Variants in MEGF11 observed in about 807,000 individuals in gnomAD.
MEGF11 encodes the protein multiple epidermal growth factor-like domains protein 11.
In MEGF11, 126 loss-of-function variants were observed where a neutral mutation model predicts 146.6. The ratio of observed to expected loss-of-function variants is 0.86; its 90% CI spans 0.74 to 1.00. MEGF11 has a LOEUF of 1.00. Among genes scored for constraint, MEGF11 ranks in the 50% least tolerant of loss-of-function variants. The probability of loss-of-function intolerance (pLI) is 0.00; values close to 1 mark genes in which losing one functional copy is unlikely to be tolerated. For synonymous variants in MEGF11, 532 were observed against 583.4 expected (o/e 0.91, Z 1.27); for missense variants, 1,509 against 1,521.2 (o/e 0.99, Z 0.13).
In MEGF11 at chr15:66,104,928, GGAGGCATCTCA is replaced by G. The variant is rs1567242437; in HGVS notation, c.302-10445_302-10435del. Reference sequence around the variant, plus strand: ...CCTTGGAGCCAGAAGCCAGAGTTGGGGAGGCATCTCAGACAACAAATGCTGCTTAGTGCCCG... The same window carrying G: ...CCTTGGAGCCAGAAGCCAGAGTTGGGGACAACAAATGCTGCTTAGTGCCCG... On this transcript the variant is annotated intron_variant, in intron 4 of 25. Coordinates refer to ENST00000395614, the MANE Select transcript of MEGF11 (RefSeq NM_001385028.1). Among the ~76,000 whole-genome samples the G allele has an allele frequency of 2.0e-5, 3 of 152,224 alleles. No individual in the cohort carries two copies. The South Asian group carries it at 6.2e-4, about 32-fold the overall frequency.
intron 1 of MEGF11, among the ~76,000 whole-genome samples, chr15:66,221,227 G>A (rs1057474367): frequency 1.3e-5 from 2 of 152,066 alleles, no homozygotes; most frequent in Non-Finnish European, 2.9e-5. Context: ...CAGTACTTCT[G>A]TCTTCCTCTC....
At chr15:65,931,921 A>T (rs1411170791) in intron 10 of MEGF11, among the ~76,000 whole-genome samples, 1 of 152,244 alleles carries the variant, frequency 6.6e-6, no homozygotes, top group Non-Finnish European at 1.5e-5. Flanking sequence ...GAAGTTACTT[A>T]ACTCTGCCAA....
At chr15:66,048,093 G>A (rs530009320) in intron 5 of MEGF11, among the ~76,000 whole-genome samples, 111 of 152,178 alleles carry the variant, frequency 7.3e-4, no homozygotes, top group Middle Eastern at 3.4e-3. Context: ...CTACAGGCAT[G>A]TACCACCACG....
At chr15:66,249,837 T>C (rs553379014) in intron 1 of MEGF11, among the ~76,000 whole-genome samples, 1 of 152,338 alleles carries the variant, frequency 6.6e-6, no homozygotes, top group African/African-American at 2.4e-5. Flanking sequence ...CAGTAACCTG[T>C]GTTTTCACAA....
chr15:65,966,109 C>T (rs2081087313), intron 8 of MEGF11, among the ~76,000 whole-genome samples: 1 of 152,248 alleles, frequency 6.6e-6, no homozygotes, highest in East Asian at 1.9e-4. Flanking sequence ...TATTCTCCTG[C>T]CTCAGCCTCC....
intron 1 of MEGF11, among the ~76,000 whole-genome samples, chr15:66,220,264 T>C (rs935086339): frequency 2.8e-5 from 4 of 143,014 alleles, no homozygotes; most frequent in African/African-American, 1.0e-4. Context: ...CGCCATGTGG[T>C]ACTTTGTTAC....
chr15:66,087,773 G>A lies in MEGF11; in HGVS notation c.394+6629C>T, dbSNP rs1363175046. Among the ~76,000 whole-genome samples, 4 of 151,910 alleles carry A rather than the reference G, an allele frequency of 2.6e-5. No homozygotes were observed. The East Asian group carries it at 7.7e-4, about 29-fold the overall frequency. On this transcript the variant is annotated intron_variant, in intron 5 of 25. Coordinates refer to ENST00000395614, the MANE Select transcript of MEGF11 (RefSeq NM_001385028.1). The stretch of plus-strand genomic sequence containing the variant: ...ACACCTCAAGGAACTAGAGAAATAA[G>A]AACAAACCAAATCCAAAACCAGCAG...
chr15:66,190,397 A>G (rs2090836924), intron 1 of MEGF11, among the ~76,000 whole-genome samples: 2 of 152,126 alleles, frequency 1.3e-5, no homozygotes, highest in South Asian at 4.1e-4. Context: ...CTTTTCTAGA[A>G]GCCAGGTCCA....
At chr15:66,145,048 GA>G (rs2089313123) in intron 1 of MEGF11, among the ~76,000 whole-genome samples, 1 of 152,190 alleles carries the variant, frequency 6.6e-6, no homozygotes, top group African/African-American at 2.4e-5. Context: ...CCCTGCTGTA[GA>G]ATACCTGCCC....
chr15:65,974,947 G>A (rs920430926), intron 7 of MEGF11, among the ~76,000 whole-genome samples: 1 of 151,992 alleles, frequency 6.6e-6, no homozygotes, highest in Non-Finnish European at 1.5e-5. Flanking sequence ...CTGAGTTCAA[G>A]CGATTATCCC....
intron 5 of MEGF11, among the ~76,000 whole-genome samples, chr15:65,990,006 AAC>A (rs1400783362): frequency 1.3e-5 from 2 of 152,168 alleles, no homozygotes; most frequent in African/African-American, 2.4e-5. Flanking sequence ...CAGCCTGGAC[AAC>A]ACAGTGAGAC....
In MEGF11 at chr15:65,980,898, G is replaced by A; in HGVS notation, c.642C>T (p.Tyr214=). 1 of 1,576,652 alleles carries A rather than the reference G, an allele frequency of 6.3e-7. No individual in the cohort carries two copies. Among genetic ancestry groups the A allele is most frequent in the Non-Finnish European group, 8.6e-7 (1 of 1,162,442 alleles). The change falls in exon 7 of 26, where the codon TAC becomes TAT. Residue 214 remains tyrosine, a splice_region_variant and synonymous_variant. Transcript: ENST00000395614. ...TCCCAGGAGGGCACAGCTCCTCGCA[G>A]CTGCATGGAGAAGCAGAGGTGTTAG... is the stretch of plus-strand genomic sequence containing the variant. ...CLCAPGYTGV[Y]CEELCPPGSH... is the part of the protein sequence containing the mutation.
intron 1 of MEGF11, among the ~76,000 whole-genome samples, chr15:66,176,304 TG>T (rs1299743896): frequency 6.6e-6 from 1 of 152,202 alleles, no homozygotes; most frequent in Non-Finnish European, 1.5e-5. Flanking sequence ...GTCCCACTGC[TG>T]GGTATTTATC....
At chr15:66,180,945 C>A (rs542398726) in intron 1 of MEGF11, among the ~76,000 whole-genome samples, 72 of 152,324 alleles carry the variant, frequency 4.7e-4, no homozygotes, top group African/African-American at 1.7e-3. Context: ...CTCAATTGCC[C>A]TCAGCTGACC....
intron 1 of MEGF11, among the ~76,000 whole-genome samples, chr15:66,244,168 T>C (rs966294709): frequency 5.9e-5 from 9 of 152,166 alleles, no homozygotes; most frequent in African/African-American, 2.2e-4. Flanking sequence ...ATGGTGGTCC[T>C]TGCTATGGTC....
rs1472699786 is a variant in MEGF11 at position 66,090,658 on chromosome 15, A to T, written c.394+3744T>A. Among the ~76,000 whole-genome samples, 2 of 152,248 alleles carry T rather than the reference A, an allele frequency of 1.3e-5. 1 individual carries two copies. The highest frequency in any genetic ancestry group is 1.3e-4 in the Admixed American group (2 of 15,292). On this transcript the variant is annotated intron_variant, in intron 5 of 25. Coordinates refer to ENST00000395614, the MANE Select transcript of MEGF11 (RefSeq NM_001385028.1). ...GCCAGCAGGCCCCACGAATCTTGGA[A>T]AAAGGACGGTGGGCCTATGACAGTG...
chr15:65,963,038 G>T (rs1387868351), intron 9 of MEGF11, among the ~76,000 whole-genome samples: 1 of 152,216 alleles, frequency 6.6e-6, no homozygotes, highest in Non-Finnish European at 1.5e-5. Flanking sequence ...GGGCATGGTT[G>T]CCCAGGCACA....
At chr15:65,910,264 C>T (rs949359893) in intron 21 of MEGF11, among the ~76,000 whole-genome samples, 4 of 152,304 alleles carry the variant, frequency 2.6e-5, no homozygotes, top group East Asian at 3.9e-4. Context: ...CCTTTTCCTG[C>T]GACCAAAGGA....
In MEGF11 at chr15:65,982,100, G is replaced by C; in HGVS notation, c.641+142C>G. ...ACCCAGCCCACCCACAAGGAGCCCA[G>C]GGCTGGGCGTGCAGCTGCGGTGAGG... On this transcript the variant is annotated intron_variant, in intron 6 of 25. Coordinates refer to ENST00000395614, the MANE Select transcript of MEGF11 (RefSeq NM_001385028.1). The surrounding 1 kb of genome is among the most constrained non-coding windows in gnomAD (Gnocchi z 5.6). 4 of 1,069,570 alleles carry C rather than the reference G, an allele frequency of 3.7e-6. No individual in the cohort carries two copies. The highest frequency in any genetic ancestry group is 2.5e-6 in the Non-Finnish European group (2 of 787,972). The allele number at this position is 1,069,570 out of a possible 1,614,324, so 66.3% of individuals were successfully genotyped here.
Sources: allele counts gnomAD v4.1 joint callset (sites outside exome capture counted in the v4.1 genomes callset), GRCh38; gene constraint gnomAD v4.1.1; non-coding constraint Gnocchi (gnomAD v3.1); transcripts MANE v1.5; gene names NCBI Gene and HGNC (gene_info 2026-07-23, HGNC 2026-07-21).